Variants in NEGR1 observed in about 807,000 individuals in gnomAD.
NEGR1 encodes IgLON family member 4.
A neutral mutation model predicts 40.9 loss-of-function variants in NEGR1; 10 were observed. That is an observed-to-expected ratio of 0.24 (90% CI 0.15 to 0.42). NEGR1 has a LOEUF of 0.42. Ranked by LOEUF, NEGR1 falls within the 10% of genes least tolerant of loss-of-function variation. NEGR1 has a pLI of 1.00. For synonymous variants in NEGR1, 185 were observed against 166.8 expected (o/e 1.11, Z -0.84); for missense variants, 352 against 438.9 (o/e 0.80, Z 1.77).
chr1:71,596,697 C>A (rs1400657053), intron 5 of NEGR1, among the ~76,000 whole-genome samples: 1 of 152,190 alleles, frequency 6.6e-6, no homozygotes, highest in Non-Finnish European at 1.5e-5. Flanking sequence ...AATCCAGTCT[C>A]AATCCACATT....
chr1:71,737,350 T>A (rs1364226066), intron 3 of NEGR1, among the ~76,000 whole-genome samples: 1 of 152,046 alleles, frequency 6.6e-6, no homozygotes, highest in Non-Finnish European at 1.5e-5. Context: ...AACAGCCTTT[T>A]TTTTTTTTTT....
At chr1:71,844,615 C>A (rs1231853895) in intron 2 of NEGR1, among the ~76,000 whole-genome samples, 2 of 152,168 alleles carry the variant, frequency 1.3e-5, no homozygotes, top group Admixed American at 6.5e-5. Flanking sequence ...CGTATTGAAA[C>A]CACTCTGAGT....
At chr1:71,550,692 C>T (rs1438976321) in intron 6 of NEGR1, among the ~76,000 whole-genome samples, 1 of 151,616 alleles carries the variant, frequency 6.6e-6, no homozygotes, top group Non-Finnish European at 1.5e-5. Context: ...TCCTAACATC[C>T]ACATTCTGTT....
chr1:71,505,546 G>T (rs1238677523), intron 6 of NEGR1, among the ~76,000 whole-genome samples: 1 of 152,094 alleles, frequency 6.6e-6, no homozygotes, highest in Non-Finnish European at 1.5e-5. Flanking sequence ...CTCCCAAAGT[G>T]CTGGGATTAC....
chr1:71,969,916 T>C (rs1646241799), intron 1 of NEGR1, among the ~76,000 whole-genome samples: 1 of 152,212 alleles, frequency 6.6e-6, no homozygotes, highest in East Asian at 1.9e-4. Flanking sequence ...TCAATAGATA[T>C]TTGAGTGTCA....
chr1:71,886,469 A>C (rs1660726483), intron 2 of NEGR1, among the ~76,000 whole-genome samples: 2 of 151,726 alleles, frequency 1.3e-5, no homozygotes, highest in African/African-American at 4.8e-5. Context: ...AAAAAAAAAA[A>C]ACAAAGGAAG....
At chr1:71,681,265 T>C (rs1476468398) in intron 4 of NEGR1, among the ~76,000 whole-genome samples, 6 of 152,162 alleles carry the variant, frequency 3.9e-5, no homozygotes, top group African/African-American at 9.7e-5. Context: ...AATAAGAAAA[T>C]AAGATTTTGG....
intron 1 of NEGR1, among the ~76,000 whole-genome samples, chr1:72,155,568 G>T (rs997452132): frequency 4.6e-5 from 7 of 151,918 alleles, no homozygotes; most frequent in African/African-American, 1.7e-4. Flanking sequence ...GTTATTAATT[G>T]AAAATAAAAT....
chr1:71,673,280 C>T (rs912412288), intron 4 of NEGR1, among the ~76,000 whole-genome samples: 1 of 152,086 alleles, frequency 6.6e-6, no homozygotes, highest in Admixed American at 6.6e-5. Flanking sequence ...AGCCTATTAT[C>T]ATACTAATGG....
intron 4 of NEGR1, among the ~76,000 whole-genome samples, chr1:71,662,284 C>T (rs1652085934): frequency 6.6e-6 from 1 of 152,102 alleles, no homozygotes. Context: ...AATCACACTG[C>T]CAGTAGGGTT....
At chr1:71,946,613 T>C (rs1646021901) in intron 1 of NEGR1, among the ~76,000 whole-genome samples, 1 of 152,138 alleles carries the variant, frequency 6.6e-6, no homozygotes, top group Non-Finnish European at 1.5e-5. Flanking sequence ...ATTCTACTTA[T>C]CCCTCATAAT....
rs554934655 is a variant in NEGR1, at chr1:72,194,429, G to A, written c.176+87890C>T. Among the ~76,000 whole-genome samples, 13 of 152,018 alleles carry A rather than the reference G, an allele frequency of 8.6e-5. No individual in the cohort carries two copies. In the South Asian group the frequency reaches 2.5e-3, roughly 29 times the overall value. On this transcript the variant is annotated intron_variant, in intron 1 of 6. Coordinates refer to ENST00000357731, the MANE Select transcript of NEGR1 (RefSeq NM_173808.3). The stretch of plus-strand genomic sequence containing the variant: ...AGAACATTTTTATCAGGAAGTAACC[G>A]CTGTTAGAGTGAAAGTCCACAGCAA...
At chr1:72,033,648 A>G (rs1646878300) in intron 1 of NEGR1, among the ~76,000 whole-genome samples, 2 of 152,146 alleles carry the variant, frequency 1.3e-5, no homozygotes, top group African/African-American at 4.8e-5. Flanking sequence ...AAATACACCA[A>G]ACTTTAGTGA....
chr1:72,038,518 C>T (rs1441963424), intron 1 of NEGR1, among the ~76,000 whole-genome samples: 1 of 151,966 alleles, frequency 6.6e-6, no homozygotes, highest in Non-Finnish European at 1.5e-5. Context: ...CAAGCTCAAG[C>T]ATATTATTTT....
At chr1:71,575,895 T>G (rs1648952264) in intron 6 of NEGR1, among the ~76,000 whole-genome samples, 1 of 152,238 alleles carries the variant, frequency 6.6e-6, no homozygotes, top group Admixed American at 6.5e-5. Context: ...GGCTACTAGG[T>G]TTTTGAGCAA....
At chr1:72,083,685 C>G (rs912711247) in intron 1 of NEGR1, among the ~76,000 whole-genome samples, 2 of 151,928 alleles carry the variant, frequency 1.3e-5, no homozygotes, top group African/African-American at 4.8e-5. Flanking sequence ...ATTTCATTAG[C>G]ATTATTTTGG....
chr1:71,538,939 A>G lies in NEGR1; in HGVS notation c.940+53878T>C, dbSNP rs192922295. 2.7e-4 allele frequency among the ~76,000 whole-genome samples: 41 copies of G among 151,842 alleles called. 1 individual carries two copies. The East Asian group carries it at 7.1e-3, about 26-fold the overall frequency. ...CCAGACTTCATTTTTCTTATACATT[A>G]CTAATAGGTTATAATAGTTGGTTCA... On this transcript the variant is annotated intron_variant, in intron 6 of 6. Transcript: ENST00000357731.
intron 1 of NEGR1, among the ~76,000 whole-genome samples, chr1:72,105,014 T>C (rs1649082917): frequency 6.6e-6 from 1 of 152,112 alleles, no homozygotes; most frequent in Non-Finnish European, 1.5e-5. Flanking sequence ...AGAAATGGCA[T>C]AAAGGAAAGT....
At chr1:71,509,341 C>A (rs769035172) in intron 6 of NEGR1, among the ~76,000 whole-genome samples, 1 of 152,168 alleles carries the variant, frequency 6.6e-6, no homozygotes, top group Admixed American at 6.5e-5. Context: ...CCAGAGTAAT[C>A]CCTTAGTTCT....
Sources: allele counts gnomAD v4.1 joint callset (sites outside exome capture counted in the v4.1 genomes callset), GRCh38; gene constraint gnomAD v4.1.1; transcripts MANE v1.5; gene names NCBI Gene and HGNC (gene_info 2026-07-23, HGNC 2026-07-21).